Variants in TNFRSF10D observed in about 807,000 individuals in gnomAD.
The protein encoded by TNFRSF10D is TNF receptor superfamily member 10d.
In TNFRSF10D, 28 loss-of-function variants were observed where a neutral mutation model predicts 42.1. The ratio of observed to expected loss-of-function variants is 0.66; its 90% CI spans 0.49 to 0.91. The LOEUF (loss-of-function observed/expected upper bound fraction) is 0.91. Ranked by LOEUF, TNFRSF10D falls within the 40% of genes least tolerant of loss-of-function variation. TNFRSF10D has a pLI of 0.00. For missense variants in TNFRSF10D, 503 were observed against 486.1 expected (o/e 1.03, Z -0.33); for synonymous variants, 186 against 189.4 (o/e 0.98, Z 0.15).
intron 1 of TNFRSF10D, among the ~76,000 whole-genome samples, chr8:23,161,607 A>T (rs73222564): frequency 0.092 from 13,948 of 152,258 alleles, 823 homozygotes; most frequent in Middle Eastern, 0.17. Flanking sequence ...TCTCATCTGG[A>T]TCCCCCGGTC....
chr8:23,155,985 A>C (rs1309383963), intron 1 of TNFRSF10D, among the ~76,000 whole-genome samples: 1 of 152,168 alleles, frequency 6.6e-6, no homozygotes, highest in Non-Finnish European at 1.5e-5. Flanking sequence ...CTAAATATCA[A>C]AGAGTGACAG....
intron 2 of TNFRSF10D, among the ~76,000 whole-genome samples, chr8:23,154,388 T>A (rs1380741673): frequency 5.7e-3 from 861 of 152,130 alleles, no homozygotes; most frequent in African/African-American, 0.018. Flanking sequence ...AACTCTGCAC[T>A]TACACAAGTC....
rs551656134 is a variant in TNFRSF10D at position 23,154,304 on chromosome 8, G to A, written c.256+570C>T. On this transcript the variant is annotated intron_variant, in intron 2 of 8. Coordinates refer to ENST00000312584, the MANE Select transcript of TNFRSF10D (RefSeq NM_003840.5). The stretch of plus-strand genomic sequence containing the variant: ...ATTCAAGAGATGTATTGTGTGACAT[G>A]GTGACTACAGTTATTAAAACAATGT... Among the ~76,000 whole-genome samples the A allele has an allele frequency of 1.5e-4, 23 of 152,288 alleles. No homozygotes were observed. The South Asian group carries it at 4.6e-3, about 30-fold the overall frequency.
In TNFRSF10D at chr8:23,154,964, C is replaced by G; in HGVS notation, c.166G>C (p.Ala56Pro). The G allele has an allele frequency of 6.2e-7, 1 of 1,612,164 alleles. No homozygotes were observed. The highest frequency in any genetic ancestry group is 8.5e-7 in the Non-Finnish European group (1 of 1,179,092). The change falls in exon 2 of 9, where the codon GCC becomes CCC. Residue 56 changes from alanine (A) to proline (P), a missense_variant. Ala to Pro is a conservative substitution (Grantham distance 27, BLOSUM62 -1). Transcript: ENST00000312584. ...ACTTCGTCCTGCCGGGGGATGGTGG[C>G]AGAGTCAACCCGGACCTGTGGGGAC... ...AVLLPVRVDS[A>P]TIPRQDEVPQ...
chr8:23,149,642 T>C (rs1563358968), intron 2 of TNFRSF10D, among the ~76,000 whole-genome samples: 1 of 152,052 alleles, frequency 6.6e-6, no homozygotes, highest in Non-Finnish European at 1.5e-5. Flanking sequence ...ACCTGTTTGC[T>C]GTCCACTCAC....
At chr8:23,155,838 G>A (rs200471372) in intron 1 of TNFRSF10D, among the ~76,000 whole-genome samples, 336 of 96,690 alleles carry the variant, frequency 3.5e-3, no homozygotes, top group African/African-American at 9.9e-3. Flanking sequence ...TCTCTCTCTC[G>A]CACACACACA....
rs1715129887 is a variant in TNFRSF10D, at chr8:23,145,934, A to G, written c.483-13T>C. The G allele has an allele frequency of 6.2e-7, 1 of 1,613,964 alleles. No homozygotes were observed. The highest frequency in any genetic ancestry group is 1.3e-5 in the African/African-American group (1 of 75,038). Reference sequence around the variant, plus strand: ...CCCTCTGGGACACCTGGGTACACACAGAGAGGGAGACAGGGACTCTTGATG... The same window carrying G: ...CCCTCTGGGACACCTGGGTACACACGGAGAGGGAGACAGGGACTCTTGATG... On this transcript the variant is annotated splice_polypyrimidine_tract_variant and intron_variant, in intron 4 of 8. Transcript: ENST00000312584.
At chr8:23,152,132 C>T (rs548010138) in intron 2 of TNFRSF10D, among the ~76,000 whole-genome samples, 866 of 151,966 alleles carry the variant, frequency 5.7e-3, no homozygotes, top group African/African-American at 0.018. Flanking sequence ...TTAAGAGAGC[C>T]AAGATGGAGA....
At chr8:23,145,478 A>C (rs1173503168) in intron 5 of TNFRSF10D, among the ~76,000 whole-genome samples, 190 bp downstream of exon 5, 1 of 152,038 alleles carries the variant, frequency 6.6e-6, no homozygotes, top group Non-Finnish European at 1.5e-5. Context: ...GCCCTGAGAG[A>C]GGGACTGATG....
At chr8:23,156,656 C>A (rs961773557) in intron 1 of TNFRSF10D, among the ~76,000 whole-genome samples, 8 of 152,008 alleles carry the variant, frequency 5.3e-5, no homozygotes, top group Non-Finnish European at 1.2e-4. Flanking sequence ...TCTCTGCCTC[C>A]CGGGCTCAAG....
At chr8:23,154,688 A>C (rs1403209973) in intron 2 of TNFRSF10D, among the ~76,000 whole-genome samples, 186 bp downstream of exon 2, 1 of 152,250 alleles carries the variant, frequency 6.6e-6, no homozygotes, top group Admixed American at 6.5e-5. Context: ...GTATCCATAC[A>C]GCTGAAAATT....
At chr8:23,155,243 T>G (rs1187829279) in intron 1 of TNFRSF10D, among the ~76,000 whole-genome samples, 2 of 149,870 alleles carry the variant, frequency 1.3e-5, no homozygotes, top group South Asian at 2.1e-4. Context: ...CAGAAGAGTT[T>G]TTTTTTTTTT....
chr8:23,141,872 T>G (rs1274352608), intron 7 of TNFRSF10D, among the ~76,000 whole-genome samples: 1 of 152,246 alleles, frequency 6.6e-6, no homozygotes, highest in Non-Finnish European at 1.5e-5. Context: ...TTGGTGGGAA[T>G]GTAAATTAGT....
chr8:23,141,925 T>G (rs1359162247), intron 7 of TNFRSF10D, among the ~76,000 whole-genome samples: 1 of 152,162 alleles, frequency 6.6e-6, no homozygotes, highest in Non-Finnish European at 1.5e-5. Flanking sequence ...TCAAAGAATT[T>G]TAAAACAACT....
rs150745507 is a variant in TNFRSF10D at position 23,156,995 on chromosome 8, C to T, written c.151-2016G>A. Among the ~76,000 whole-genome samples the T allele has an allele frequency of 3.4e-4, 51 of 151,840 alleles. No homozygotes were observed. The East Asian group carries it at 7.4e-3, about 22-fold the overall frequency. The stretch of plus-strand genomic sequence containing the variant: ...GTAGATCTTCAGGCCATAAATTTCA[C>T]ATATTTTTCTTTTTTTGACAGCTTT... On this transcript the variant is annotated intron_variant, in intron 1 of 8. Coordinates refer to ENST00000312584, the MANE Select transcript of TNFRSF10D (RefSeq NM_003840.5).
At chr8:23,156,038 T>C (rs766840477) in intron 1 of TNFRSF10D, among the ~76,000 whole-genome samples, 3 of 152,182 alleles carry the variant, frequency 2.0e-5, no homozygotes, top group East Asian at 1.9e-4. Context: ...CCATGATCTC[T>C]GTGTTATAAA....
At chr8:23,159,618 T>G (rs1344122993) in intron 1 of TNFRSF10D, among the ~76,000 whole-genome samples, 1 of 152,104 alleles carries the variant, frequency 6.6e-6, no homozygotes, top group African/African-American at 2.4e-5. Flanking sequence ...AATCCCAGCA[T>G]TTTGGAAGGC....
intron 2 of TNFRSF10D, among the ~76,000 whole-genome samples, chr8:23,152,724 A>T (rs533956594): frequency 6.2e-3 from 938 of 152,270 alleles, no homozygotes; most frequent in African/African-American, 0.019. Flanking sequence ...GAAAGTAACA[A>T]AAATAAATGG....
chr8:23,149,141 G>C (rs1800175073), intron 2 of TNFRSF10D, among the ~76,000 whole-genome samples: 1 of 132,320 alleles, frequency 7.6e-6, no homozygotes, highest in Admixed American at 8.6e-5. Flanking sequence ...AGTGAGCTGA[G>C]ACTGTGCCAC....
Sources: gnomAD v4.1 joint callset for allele counts (sites outside exome capture counted in the v4.1 genomes callset) on GRCh38, gnomAD v4.1.1 for gene constraint, MANE v1.5 for transcripts, NCBI Gene and HGNC (gene_info 2026-07-23, HGNC 2026-07-21) for gene names.